The following MIIP variants were observed in gnomAD, a reference collection of about 807,000 sequenced individuals.
MIIP encodes the protein migration and invasion inhibitory protein, also known as migration and invasion-inhibitory protein.
Under a neutral mutation model 44.8 loss-of-function variants are expected in MIIP, and 44 were observed. The observed-to-expected ratio is 0.98, with a 90% CI of 0.77 to 1.26. The LOEUF is 1.26. MIIP is among the 50% of genes most tolerant of loss of function. The pLI, the probability that MIIP is intolerant of heterozygous loss-of-function variation, is 0.00. For synonymous variants in MIIP, 225 were observed against 218.3 expected (o/e 1.03, Z -0.27); for missense variants, 496 against 511.7 (o/e 0.97, Z 0.30).
Position 12,029,828 on chromosome 1 carries a change from G to C in MIIP, c.779G>C (p.Cys260Ser), listed in dbSNP as rs1441454068. 6.2e-7 allele frequency: 1 copy of C among 1,613,174 alleles called. No individual in the cohort carries two copies. The highest frequency in any genetic ancestry group is 1.7e-5 in the Admixed American group (1 of 59,898). The stretch of plus-strand genomic sequence containing the variant: ...GTGCCTGTGGATCCCGGTACCCCCT[G>C]CCGCCTGTGCAGGACACCGCGAGAC... ...FPVPVDPGTP[C>S]RLCRTPRDQQ... The change falls in exon 7 of 10, where the codon TGC becomes TCC. Residue 260 changes from cysteine (C) to serine (S), a missense_variant. Physicochemically the swap from Cys to Ser is moderately radical, Grantham distance 112. Transcript: ENST00000235332.
chr1:12,030,556 CTTTTTTTTTTT>C (rs71568383), intron 8 of MIIP, among the ~76,000 whole-genome samples: 1 of 59,070 alleles, frequency 1.7e-5, no homozygotes, highest in Non-Finnish European at 3.1e-5. Flanking sequence ...GCTGCTGCTG[CTTTTTTTTTTT>C]TTTTTTTTTT....
chr1:12,026,864 C>T (rs916381770), intron 4 of MIIP, among the ~76,000 whole-genome samples: 2 of 152,202 alleles, frequency 1.3e-5, no homozygotes, highest in African/African-American at 2.4e-5. Context: ...TGTTATTTCT[C>T]ATCCCGATGC....
At chr1:12,023,381 C>CTTTTTTATTTAT (rs1640027033) in intron 4 of MIIP, among the ~76,000 whole-genome samples, 1 of 140,158 alleles carries the variant, frequency 7.1e-6, no homozygotes, top group South Asian at 2.4e-4. Flanking sequence ...TCTTTGTTTT[C>CTTTTTTATTTAT]TTATTTATTT....
Position 12,029,105 on chromosome 1 carries a change from A to C in MIIP, c.620A>C (p.Glu207Ala), listed in dbSNP as rs963246543. 6 of 1,614,146 alleles carry C rather than the reference A, an allele frequency of 3.7e-6. No individual in the cohort carries two copies. ...AFFSKLQEFR[E>A]TNKEECICSH... is the part of the protein sequence containing the mutation. ...TTCTCCAAGCTGCAGGAGTTTCGGG[A>C]AACCAACAAGGAGGAGTGTATCTGC... The change falls in exon 5 of 10, where the codon GAA becomes GCA. Residue 207 changes from glutamate to alanine, a missense_variant. Physicochemically the swap from Glu to Ala is moderately radical, Grantham distance 107. Coordinates refer to ENST00000235332, the MANE Select transcript of MIIP (RefSeq NM_021933.4).
chr1:12,027,635 C>A (rs1211353874), intron 4 of MIIP, among the ~76,000 whole-genome samples: 1 of 152,128 alleles, frequency 6.6e-6, no homozygotes, highest in Admixed American at 6.6e-5. Flanking sequence ...TCTATGATCT[C>A]CCAAACGCTG....
At chr1:12,030,517 G>A (rs1640217524) in intron 8 of MIIP, among the ~76,000 whole-genome samples, 1 of 150,664 alleles carries the variant, frequency 6.6e-6, no homozygotes, top group Admixed American at 6.6e-5. Flanking sequence ...TGGTGGAGGA[G>A]CTGGGATTCG....
At chr1:12,025,660 C>T (rs1640090983) in intron 4 of MIIP, among the ~76,000 whole-genome samples, 1 of 152,228 alleles carries the variant, frequency 6.6e-6, no homozygotes, top group Non-Finnish European at 1.5e-5. Context: ...CTGGCCTCTA[C>T]TGGCCCCATG....
intron 4 of MIIP, among the ~76,000 whole-genome samples, chr1:12,023,559 A>G (rs1449670895): frequency 6.6e-6 from 1 of 151,318 alleles, no homozygotes; most frequent in Non-Finnish European, 1.5e-5. Flanking sequence ...GCCTGCCACC[A>G]CGCCTGGCTA....
chr1:12,029,011 C>T lies in MIIP; in HGVS notation c.548-22C>T, dbSNP rs1477301714. 12 of 1,596,940 alleles carry T rather than the reference C, an allele frequency of 7.5e-6. No individual in the cohort carries two copies. The Middle Eastern group carries it at 5.1e-4, about 68-fold the overall frequency. Reference sequence around the variant, plus strand: ...CCCCCAGCCCCTCTCCCGTCAGCTGCCTGGTGCTTTGCCCACACCAGGGTC... The same window carrying T: ...CCCCCAGCCCCTCTCCCGTCAGCTGTCTGGTGCTTTGCCCACACCAGGGTC... On this transcript the variant is annotated intron_variant, in intron 4 of 9. Coordinates refer to ENST00000235332, the MANE Select transcript of MIIP (RefSeq NM_021933.4).
intron 8 of MIIP, 134 bp downstream of exon 8, chr1:12,030,258 G>A (rs1268541944): frequency 2.5e-6 from 2 of 805,618 alleles, no homozygotes; most frequent in Non-Finnish European, 4.1e-6. Context: ...CACAGCCTGG[G>A]CCTCTTCCAT....
chr1:12,022,987 C>T, intron 4 of MIIP, 70 bp downstream of exon 4: 2 of 1,270,942 alleles, frequency 1.6e-6, no homozygotes, highest in South Asian at 2.5e-5. Flanking sequence ...ATCCTCCATG[C>T]TCCTGTCTGA....
At chr1:12,028,350 C>T (rs925901663) in intron 4 of MIIP, among the ~76,000 whole-genome samples, 2 of 152,202 alleles carry the variant, frequency 1.3e-5, no homozygotes, top group African/African-American at 4.8e-5. Flanking sequence ...AAATATGTGG[C>T]TGATGTGGTT....
chr1:12,020,288 G>A (rs778330605), intron 1 of MIIP, among the ~76,000 whole-genome samples: 26 of 152,204 alleles, frequency 1.7e-4, no homozygotes, highest in Non-Finnish European at 2.8e-4. Flanking sequence ...CAGGAAAGGA[G>A]GAAGAATCCC....
In MIIP at chr1:12,021,779, T is replaced by A; in HGVS notation, c.53T>A (p.Leu18Gln). 6.2e-7 allele frequency: 1 copy of A among 1,613,060 alleles called. No homozygotes were observed. The highest frequency in any genetic ancestry group is 1.1e-5 in the South Asian group (1 of 91,034). The change falls in exon 2 of 10, where the codon CTG becomes CAG. Residue 18 changes from leucine (L) to glutamine (Q), a missense_variant. Leu to Gln is a moderately radical substitution (Grantham distance 113). Coordinates refer to ENST00000235332, the MANE Select transcript of MIIP (RefSeq NM_021933.4). ...CTGCGGCTGCTCAATCTGGAGCTCC[T>A]GAGGCAGCTGTGGGTGGGGCAGGAT... ...AQLRLLNLEL[L>Q]RQLWVGQDAV...
intron 8 of MIIP, 107 bp from the exon 9 acceptor site, chr1:12,031,159 G>C (rs1162045147): frequency 7.3e-7 from 1 of 1,361,914 alleles, no homozygotes; most frequent in African/African-American, 1.5e-5. Flanking sequence ...TGCCTTGGTG[G>C]GGGCCTCCTT....
At chr1:12,027,594 C>T (rs1010525808) in intron 4 of MIIP, among the ~76,000 whole-genome samples, 3 of 152,220 alleles carry the variant, frequency 2.0e-5, no homozygotes, top group South Asian at 2.1e-4. Flanking sequence ...GCCTGGGACT[C>T]GGTCTTCTGA....
chr1:12,019,854 G>A (rs556561402), intron 1 of MIIP, among the ~76,000 whole-genome samples: 21 of 152,270 alleles, frequency 1.4e-4, no homozygotes, highest in Non-Finnish European at 2.8e-4. Flanking sequence ...GCGACCCTCT[G>A]ACTATAGGGG....
rs779460357 is a variant in MIIP, at chr1:12,029,861, G to C, written c.812G>C (p.Gly271Ala). ...TGCAGGACACCGCGAGACCAGCAGGGCCCTGGGACCCTGGCGCAGCCAGCG... is the reference window on the plus strand; with the variant it reads ...TGCAGGACACCGCGAGACCAGCAGGCCCCTGGGACCCTGGCGCAGCCAGCG... ...RLCRTPRDQQ[G>A]PGTLAQPAHV... The change falls in exon 7 of 10, where the codon GGC (glycine) becomes GCC (alanine). Residue 271 changes from glycine (G) to alanine (A), a missense_variant. Physicochemically the swap from Gly to Ala is moderately conservative, Grantham distance 60. Coordinates refer to ENST00000235332, the MANE Select transcript of MIIP (RefSeq NM_021933.4). 4 of 1,613,118 alleles carry C rather than the reference G, an allele frequency of 2.5e-6. No individual in the cohort carries two copies. Among genetic ancestry groups the C allele is most frequent in the Non-Finnish European group, 3.4e-6 (4 of 1,179,484 alleles).
At chr1:12,029,681 T>C (rs1640186829) in intron 6 of MIIP, 84 bp from the exon 7 acceptor site, 2 of 1,534,898 alleles carry the variant, frequency 1.3e-6, no homozygotes, top group East Asian at 2.3e-5. Context: ...GCTTGTGTGG[T>C]TGGGGGCCGC....
Sources: allele counts gnomAD v4.1 joint callset (sites outside exome capture counted in the v4.1 genomes callset), GRCh38; gene constraint gnomAD v4.1.1; transcripts MANE v1.5; gene names NCBI Gene and HGNC (gene_info 2026-07-23, HGNC 2026-07-21).